The following DAB1 variants were observed in gnomAD, a reference collection of about 807,000 sequenced individuals.
The protein encoded by DAB1 is DAB adaptor protein 1, also known as disabled homolog 1.
In DAB1, 15 loss-of-function variants were observed where a neutral mutation model predicts 64.6. The observed-to-expected ratio is 0.23, with a 90% confidence interval of 0.16 to 0.36. The LOEUF is 0.36. DAB1 is among the 10% of genes least tolerant of loss of function. DAB1 has a pLI of 1.00. For missense variants in DAB1, 596 were observed against 706.7 expected (o/e 0.84, Z 1.78); for synonymous variants, 235 against 251.9 (o/e 0.93, Z 0.64).
At chr1:57,079,706 T>C (rs956636422) in intron 4 of DAB1, among the ~76,000 whole-genome samples, 5 of 152,168 alleles carry the variant, frequency 3.3e-5, no homozygotes, top group Admixed American at 3.3e-4. Flanking sequence ...TTTTACAGTC[T>C]CTCAAATGCA....
chr1:57,951,024 G>A (rs980506865), intron 5 of DAB1, among the ~76,000 whole-genome samples: 1 of 152,120 alleles, frequency 6.6e-6, no homozygotes, highest in Admixed American at 6.6e-5. Context: ...AACAAATTGG[G>A]AGGCTTGGAA....
intron 2 of DAB1, among the ~76,000 whole-genome samples, chr1:57,169,824 C>G (rs902600773): frequency 6.6e-6 from 1 of 152,038 alleles, no homozygotes; most frequent in Non-Finnish European, 1.5e-5. Context: ...TATTAACTGA[C>G]TCCTACCCTG....
chr1:57,160,939 C>T (rs1660684566), intron 2 of DAB1, among the ~76,000 whole-genome samples: 1 of 152,116 alleles, frequency 6.6e-6, no homozygotes, highest in Non-Finnish European at 1.5e-5. Context: ...AAGGAAAACT[C>T]CCACGGGATA....
At chr1:57,635,912 G>A (rs987826659) in intron 7 of DAB1, among the ~76,000 whole-genome samples, 4 of 151,940 alleles carry the variant, frequency 2.6e-5, no homozygotes, top group Middle Eastern at 6.8e-3. Flanking sequence ...TGGCTAATAC[G>A]GTGAAACCCC....
At chr1:58,361,487 C>T (rs1241064655) in intron 3 of DAB1, among the ~76,000 whole-genome samples, 1 of 152,180 alleles carries the variant, frequency 6.6e-6, no homozygotes. Flanking sequence ...TTCATCTTAG[C>T]ACCTATCACA....
At chr1:57,329,257 C>G (rs117594684) in intron 1 of DAB1, among the ~76,000 whole-genome samples, 1 of 152,154 alleles carries the variant, frequency 6.6e-6, no homozygotes, top group Non-Finnish European at 1.5e-5. Flanking sequence ...TCCCAGGCAG[C>G]CTGCTTTCCA....
At chr1:58,182,220 A>G (rs1656833144) in intron 4 of DAB1, among the ~76,000 whole-genome samples, 1 of 151,696 alleles carries the variant, frequency 6.6e-6, no homozygotes, top group East Asian at 1.9e-4. Context: ...TTATTTCTTT[A>G]TATTTGGTTT....
intron 4 of DAB1, among the ~76,000 whole-genome samples, chr1:58,223,116 C>T (rs1659262248): frequency 6.6e-6 from 1 of 152,180 alleles, no homozygotes; most frequent in African/African-American, 2.4e-5. Context: ...AATCCCAAGA[C>T]CCACCAGCAC....
At chr1:58,188,642 T>C (rs1263203807) in intron 4 of DAB1, among the ~76,000 whole-genome samples, 1 of 152,224 alleles carries the variant, frequency 6.6e-6, no homozygotes, top group African/African-American at 2.4e-5. Flanking sequence ...AAAGAGCCTC[T>C]TTAGTGGAAA....
chr1:58,026,870 G>C (rs893973470), intron 5 of DAB1, among the ~76,000 whole-genome samples: 7 of 152,174 alleles, frequency 4.6e-5, no homozygotes, highest in African/African-American at 1.7e-4. Context: ...AATTTGCCAG[G>C]TGCCTGCACC....
At chr1:57,299,921 T>C (rs1673494854) in intron 1 of DAB1, among the ~76,000 whole-genome samples, 1 of 152,204 alleles carries the variant, frequency 6.6e-6, no homozygotes, top group African/African-American at 2.4e-5. Flanking sequence ...CACAGAGCTA[T>C]ATAAATTGTC....
At chr1:57,713,207 A>G (rs942057407) in intron 6 of DAB1, among the ~76,000 whole-genome samples, 9 of 152,216 alleles carry the variant, frequency 5.9e-5, no homozygotes, top group African/African-American at 2.2e-4. Flanking sequence ...CCAAATAAGC[A>G]TAACATCCTT....
intron 9 of DAB1, among the ~76,000 whole-genome samples, chr1:57,029,711 T>C (rs541817179): frequency 2.7e-4 from 41 of 152,234 alleles, no homozygotes; most frequent in Non-Finnish European, 5.3e-4. Context: ...AAAATTTGAC[T>C]GCTCTGCTGG....
chr1:57,732,968 TGG>T (rs1557449344), intron 6 of DAB1, among the ~76,000 whole-genome samples: 1 of 152,230 alleles, frequency 6.6e-6, no homozygotes, highest in Non-Finnish European at 1.5e-5. Context: ...TCCTTTTGCA[TGG>T]TGCCCTGCAA....
chr1:57,890,599 G>T (rs1273601754), intron 5 of DAB1, among the ~76,000 whole-genome samples: 1 of 151,682 alleles, frequency 6.6e-6, no homozygotes, highest in Non-Finnish European at 1.5e-5. Context: ...GGGATCCCCG[G>T]CATGCACTAC....
intron 4 of DAB1, among the ~76,000 whole-genome samples, chr1:57,092,483 C>T (rs1375392389): frequency 6.6e-6 from 1 of 151,928 alleles, no homozygotes; most frequent in Non-Finnish European, 1.5e-5. Flanking sequence ...GGCAGTTTAC[C>T]CCTGGGTTTC....
At chr1:57,040,247 G>A (rs1198826182) in intron 9 of DAB1, among the ~76,000 whole-genome samples, 1 of 152,038 alleles carries the variant, frequency 6.6e-6, no homozygotes, top group Non-Finnish European at 1.5e-5. Context: ...AGCAGTAGTG[G>A]GAATTTGATG....
chr1:57,781,635 T>C (rs779413278), intron 6 of DAB1, among the ~76,000 whole-genome samples: 34 of 150,750 alleles, frequency 2.3e-4, no homozygotes, highest in Admixed American at 6.0e-4. Context: ...CAGGTCAAAA[T>C]GATTCCAAAG....
chr1:57,953,066 T>C (rs1012761543), intron 5 of DAB1, among the ~76,000 whole-genome samples: 1 of 152,244 alleles, frequency 6.6e-6, no homozygotes, highest in African/African-American at 2.4e-5. Flanking sequence ...TCTCATCTTA[T>C]AGAGGCAAAC....
Sources: allele counts gnomAD v4.1 joint callset (sites outside exome capture counted in the v4.1 genomes callset), GRCh38; gene constraint gnomAD v4.1.1; transcripts MANE v1.5; gene names NCBI Gene and HGNC (gene_info 2026-07-23, HGNC 2026-07-21).